The following SLC24A3 variants were observed in gnomAD, a reference collection of about 807,000 sequenced individuals.
SLC24A3 encodes the protein solute carrier family 24 member 3, also known as sodium/potassium/calcium exchanger 3.
A neutral mutation model predicts 75.8 loss-of-function variants in SLC24A3; 28 were observed. The observed-to-expected ratio is 0.37, with a 90% CI of 0.27 to 0.51. SLC24A3 has a LOEUF of 0.51. Among genes scored for constraint, SLC24A3 ranks in the 20% least tolerant of loss-of-function variants. The pLI, the probability that SLC24A3 is intolerant of heterozygous loss-of-function variation, is 0.94. For missense variants in SLC24A3, 663 were observed against 847.8 expected (o/e 0.78, Z 2.71); for synonymous variants, 372 against 334.1 (o/e 1.11, Z -1.24).
At chr20:19,555,330 G>A (rs992945199) in intron 3 of SLC24A3, among the ~76,000 whole-genome samples, 9 of 152,280 alleles carry the variant, frequency 5.9e-5, no homozygotes, top group East Asian at 1.9e-4. Context: ...GCCCCTGGTC[G>A]TGATTTGACA....
intron 7 of SLC24A3, among the ~76,000 whole-genome samples, chr20:19,661,530 C>T (rs547932665): frequency 6.4e-4 from 98 of 152,200 alleles, no homozygotes; most frequent in African/African-American, 1.9e-3. Flanking sequence ...GAAAAGTCTA[C>T]GGGGGGCTGT....
In SLC24A3 at chr20:19,339,872, G is replaced by A. The variant is rs558862414; in HGVS notation, c.271+58785G>A. On this transcript the variant is annotated intron_variant, in intron 2 of 16. Transcript: ENST00000328041. ...GGAGGAAGGCAGAGGAATTCTAGAA[G>A]GAAAATGAGTGAGTTCCATATAATC... Among the ~76,000 whole-genome samples, 3 of 152,330 alleles carry A rather than the reference G, an allele frequency of 2.0e-5. No homozygotes were observed. The South Asian group carries it at 6.2e-4, about 32-fold the overall frequency.
chr20:19,313,912 G>T (rs1215479842), intron 2 of SLC24A3, among the ~76,000 whole-genome samples: 4 of 152,220 alleles, frequency 2.6e-5, no homozygotes, highest in Non-Finnish European at 5.9e-5. Flanking sequence ...ATGAGGAGAT[G>T]ATACATCTTA....
At chr20:19,331,570 C>T (rs931267411) in intron 2 of SLC24A3, among the ~76,000 whole-genome samples, 8 of 152,108 alleles carry the variant, frequency 5.3e-5, no homozygotes, top group African/African-American at 7.2e-5. Context: ...ATGGGAGTTC[C>T]TTGTACGATT....
chr20:19,570,056 G>T (rs1406599045), intron 3 of SLC24A3, among the ~76,000 whole-genome samples: 1 of 152,114 alleles, frequency 6.6e-6, no homozygotes, highest in African/African-American at 2.4e-5. Flanking sequence ...CCTGTCACTG[G>T]GAAATTTATT....
Position 19,385,223 on chromosome 20 carries a change from A to G in SLC24A3, c.271+104136A>G, listed in dbSNP as rs1302504914. On this transcript the variant is annotated intron_variant, in intron 2 of 16. Transcript: ENST00000328041. ...ACCCAAAAAACCAAAATCATTGTCC[A>G]GACCTATGTCAAGAAGCTTTCACTC... Among the ~76,000 whole-genome samples the G allele has an allele frequency of 7.9e-5, 12 of 152,248 alleles. No homozygotes were observed. In the East Asian group the frequency reaches 2.3e-3, roughly 29 times the overall value.
intron 14 of SLC24A3, among the ~76,000 whole-genome samples, chr20:19,697,972 G>A (rs932592891): frequency 5.3e-5 from 8 of 152,162 alleles, no homozygotes; most frequent in Non-Finnish European, 1.0e-4. Context: ...AGCTCTAACT[G>A]GCTGATGGTT....
intron 6 of SLC24A3, 142 bp downstream of exon 6, chr20:19,585,686 C>T (rs8116306): frequency 1.1e-5 from 8 of 741,604 alleles, no homozygotes; most frequent in Non-Finnish European, 1.8e-5. Flanking sequence ...TGGGACCTCA[C>T]ATCCCAGGAG....
At chr20:19,506,943 C>T (rs2077602974) in intron 2 of SLC24A3, among the ~76,000 whole-genome samples, 1 of 152,222 alleles carries the variant, frequency 6.6e-6, no homozygotes, top group South Asian at 2.1e-4. Flanking sequence ...AGACTGGTTC[C>T]CTGGAACACC....
intron 3 of SLC24A3, among the ~76,000 whole-genome samples, chr20:19,521,549 G>A (rs937503085): frequency 6.6e-5 from 10 of 152,196 alleles, no homozygotes; most frequent in Non-Finnish European, 2.9e-5. Context: ...GAGAGCCCAG[G>A]TTCCAAGTGG....
chr20:19,338,348 C>A (rs1181301778), intron 2 of SLC24A3, among the ~76,000 whole-genome samples: 2 of 152,126 alleles, frequency 1.3e-5, no homozygotes, highest in Non-Finnish European at 2.9e-5. Flanking sequence ...TGGCTGGTTG[C>A]ATATCGGATT....
In SLC24A3 at chr20:19,701,148, C is replaced by T. The variant is rs143277647; in HGVS notation, c.1719+2468C>T. ...TTTCACATGTCTGTCTTCTTCATGGCACACAGTATGGGGCAGGCACATACT... is the reference window on the plus strand; with the variant it reads ...TTTCACATGTCTGTCTTCTTCATGGTACACAGTATGGGGCAGGCACATACT... On this transcript the variant is annotated intron_variant, in intron 15 of 16. Transcript: ENST00000328041. Among the ~76,000 whole-genome samples the T allele has an allele frequency of 1.9e-3, 284 of 152,196 alleles. 1 individual carries two copies. Among genetic ancestry groups the T allele is most frequent in the African/African-American group, 6.6e-3 (275 of 41,536 alleles).
At chr20:19,660,590 G>A (rs191182484) in intron 7 of SLC24A3, among the ~76,000 whole-genome samples, 45 of 152,278 alleles carry the variant, frequency 3.0e-4, no homozygotes, top group Admixed American at 2.9e-3. Context: ...ATTGTGCTGT[G>A]ATAAACATAC....
At chr20:19,562,432 GA>G (rs1203320124) in intron 3 of SLC24A3, among the ~76,000 whole-genome samples, 3 of 152,132 alleles carry the variant, frequency 2.0e-5, no homozygotes, top group Non-Finnish European at 4.4e-5. Flanking sequence ...GGTTTCCCTG[GA>G]ATACCCCTGA....
intron 2 of SLC24A3, among the ~76,000 whole-genome samples, chr20:19,478,030 G>A (rs1230234502): frequency 3.3e-5 from 5 of 152,168 alleles, no homozygotes; most frequent in African/African-American, 9.7e-5. Flanking sequence ...TCCCATCCTC[G>A]CTGCTAGCAA....
intron 6 of SLC24A3, among the ~76,000 whole-genome samples, chr20:19,591,352 G>A (rs542081023): frequency 6.6e-6 from 1 of 152,236 alleles, no homozygotes; most frequent in Admixed American, 6.5e-5. Flanking sequence ...ACTCTAACTG[G>A]CTTCTTAAAT....
At chr20:19,406,183 T>G (rs1286099711) in intron 2 of SLC24A3, among the ~76,000 whole-genome samples, 2 of 132,230 alleles carry the variant, frequency 1.5e-5, no homozygotes, top group African/African-American at 3.2e-5. Context: ...TTAAAGATGG[T>G]GTGTGTGTGT....
At chr20:19,412,579 AAGG>A (rs201818008) in intron 2 of SLC24A3, among the ~76,000 whole-genome samples, 1,536 of 151,290 alleles carry the variant, frequency 0.01, 32 homozygotes, top group African/African-American at 0.035. Context: ...GACGAGGAGA[AAGG>A]AGGGCAGGAA....
intron 6 of SLC24A3, among the ~76,000 whole-genome samples, chr20:19,645,880 T>C (rs1264564977): frequency 1.3e-5 from 2 of 151,850 alleles, no homozygotes; most frequent in Non-Finnish European, 2.9e-5. Flanking sequence ...ATGCAAAAAC[T>C]CCATCTCTAC....
Sources: gnomAD v4.1 joint callset for allele counts (sites outside exome capture counted in the v4.1 genomes callset) on GRCh38, gnomAD v4.1.1 for gene constraint, MANE v1.5 for transcripts, NCBI Gene and HGNC (gene_info 2026-07-23, HGNC 2026-07-21) for gene names.